Variants in OXR1 observed in about 807,000 individuals in gnomAD.
OXR1 encodes the protein oxidation resistance 1, also known as oxidation resistance protein 1.
A neutral mutation model predicts 104.6 loss-of-function variants in OXR1; 41 were observed. The observed-to-expected ratio is 0.39, with a 90% CI of 0.31 to 0.51. OXR1 has a LOEUF of 0.51. OXR1 is among the 20% of genes least tolerant of loss of function. The pLI is 0.77. For synonymous variants in OXR1, 348 were observed against 348.4 expected, an observed-to-expected ratio of 1.00 and a Z score of 0.01; for missense variants, 955 against 1,031.9, an observed-to-expected ratio of 0.93 and a Z score of 1.02.
rs139065453 is a variant in OXR1 at position 106,716,201 on chromosome 8, T to G, written c.1956+2216T>G. ...TCTAATTAAGGTCAAGTATTTCCTATGAAAATTTAGTGCCTGAATTGAGAT... is the reference window on the plus strand; with the variant it reads ...TCTAATTAAGGTCAAGTATTTCCTAGGAAAATTTAGTGCCTGAATTGAGAT... On this transcript the variant is annotated intron_variant, in intron 11 of 16. Coordinates refer to ENST00000517566, the MANE Select transcript of OXR1 (RefSeq NM_001198533.2). Among the ~76,000 whole-genome samples the G allele has an allele frequency of 6.6e-5, 10 of 152,320 alleles. No individual in the cohort carries two copies. The East Asian group carries it at 1.9e-3, about 29-fold the overall frequency.
intron 3 of OXR1, among the ~76,000 whole-genome samples, chr8:106,616,162 CT>C (rs1821215050): frequency 6.7e-6 from 1 of 150,160 alleles, no homozygotes; most frequent in Non-Finnish European, 1.5e-5. Flanking sequence ...CTGACTCAGC[CT>C]CCTGAGTAGC....
intron 2 of OXR1, among the ~76,000 whole-genome samples, chr8:106,374,992 T>A (rs1345639953): frequency 1.3e-5 from 2 of 152,220 alleles, no homozygotes. Context: ...TTAACTACTT[T>A]TTGATTTTAG....
chr8:106,671,424 CTG>C (rs752394408), intron 3 of OXR1, among the ~76,000 whole-genome samples: 38 of 152,216 alleles, frequency 2.5e-4, no homozygotes, highest in Non-Finnish European at 4.4e-4. Context: ...GCGTGTAAAA[CTG>C]TTTCATATAT....
intron 2 of OXR1, among the ~76,000 whole-genome samples, chr8:106,508,583 T>C (rs1812321933): frequency 6.6e-6 from 1 of 152,202 alleles, no homozygotes; most frequent in Non-Finnish European, 1.5e-5. Context: ...TAATCAGTAA[T>C]GCAATCGTAC....
chr8:106,545,389 A>C (rs1440251151), intron 3 of OXR1, among the ~76,000 whole-genome samples: 1 of 152,250 alleles, frequency 6.6e-6, no homozygotes, highest in African/African-American at 2.4e-5. Context: ...ATCAATAACA[A>C]GTTAGCAAAG....
At chr8:106,593,559 A>C (rs111481314) in intron 3 of OXR1, among the ~76,000 whole-genome samples, 198 of 152,328 alleles carry the variant, frequency 1.3e-3, no homozygotes, top group African/African-American at 4.6e-3. Flanking sequence ...CGGGCGGATC[A>C]TGAGGTCAGG....
intron 3 of OXR1, among the ~76,000 whole-genome samples, chr8:106,576,675 A>T (rs1208510755): frequency 1.3e-5 from 2 of 152,010 alleles, no homozygotes; most frequent in Non-Finnish European, 2.9e-5. Flanking sequence ...TCTTTTGAGG[A>T]TGTCTCTTGA....
At chr8:106,557,985 C>G (rs1816407344) in intron 3 of OXR1, among the ~76,000 whole-genome samples, 2 of 152,202 alleles carry the variant, frequency 1.3e-5, no homozygotes, top group South Asian at 4.1e-4. Flanking sequence ...TTACATTTTA[C>G]TGTGATTGTT....
chr8:106,700,667 G>A (rs1270907572), intron 7 of OXR1, among the ~76,000 whole-genome samples: 1 of 152,052 alleles, frequency 6.6e-6, no homozygotes, highest in Non-Finnish European at 1.5e-5. Context: ...AAGGTATTAA[G>A]GTATATAGAG....
chr8:106,283,810 C>T (rs1237888220), intron 1 of OXR1, among the ~76,000 whole-genome samples: 5 of 152,098 alleles, frequency 3.3e-5, no homozygotes, highest in Admixed American at 2.6e-4. Context: ...CTGTCATTGA[C>T]CTAACTCAGG....
intron 3 of OXR1, among the ~76,000 whole-genome samples, chr8:106,528,003 C>T (rs541928833): frequency 3.9e-5 from 6 of 152,260 alleles, no homozygotes; most frequent in South Asian, 2.1e-4. Flanking sequence ...ATGGTGAAAA[C>T]GATGCAATAA....
chr8:106,303,043 G>A (rs938937653), intron 1 of OXR1, among the ~76,000 whole-genome samples: 4 of 151,124 alleles, frequency 2.6e-5, no homozygotes, highest in Admixed American at 1.3e-4. Flanking sequence ...GTGAGCCAGC[G>A]CACCTGGCCG....
intron 1 of OXR1, among the ~76,000 whole-genome samples, chr8:106,288,254 A>C (rs1234199236): frequency 6.6e-6 from 1 of 152,184 alleles, no homozygotes. Flanking sequence ...CAGAAGTCCA[A>C]GTGTTGACTC....
In OXR1 at chr8:106,571,677, T is replaced by C. The variant is rs554567684; in HGVS notation, c.220+52538T>C. Among the ~76,000 whole-genome samples the C allele has an allele frequency of 2.0e-5, 3 of 152,272 alleles. No individual in the cohort carries two copies. The South Asian group carries it at 6.2e-4, about 32-fold the overall frequency. Reference sequence around the variant, plus strand: ...TGTCCAAAGTCTTATCTAACTCTCATGTAAATCATAGGGGTGAGATACGGG... The same window carrying C: ...TGTCCAAAGTCTTATCTAACTCTCACGTAAATCATAGGGGTGAGATACGGG... On this transcript the variant is annotated intron_variant, in intron 3 of 16. Transcript: ENST00000517566.
At chr8:106,658,311 G>A in intron 3 of OXR1, 3 of 1,142,856 alleles carry the variant, frequency 2.6e-6, no homozygotes, top group Non-Finnish European at 3.3e-6. Flanking sequence ...GCCGGGGCGG[G>A]CAACGTGGCC....
intron 2 of OXR1, among the ~76,000 whole-genome samples, chr8:106,489,907 A>C (rs868806463): frequency 6.6e-6 from 1 of 152,138 alleles, no homozygotes; most frequent in Non-Finnish European, 1.5e-5. Context: ...TGATCATATA[A>C]TTTTTGTCCA....
intron 1 of OXR1, among the ~76,000 whole-genome samples, chr8:106,301,329 T>G (rs1813228528): frequency 6.6e-6 from 1 of 151,512 alleles, no homozygotes; most frequent in Non-Finnish European, 1.5e-5. Flanking sequence ...CCATGTTATA[T>G]ATGCAGAATA....
chr8:106,294,257 G>T (rs1812884247), intron 1 of OXR1, among the ~76,000 whole-genome samples: 1 of 151,750 alleles, frequency 6.6e-6, no homozygotes, highest in Non-Finnish European at 1.5e-5. Context: ...TTAGCCGGGT[G>T]TGGTGGCATG....
chr8:106,298,659 A>G (rs1288387790), intron 1 of OXR1, among the ~76,000 whole-genome samples: 1 of 152,170 alleles, frequency 6.6e-6, no homozygotes, highest in Non-Finnish European at 1.5e-5. Context: ...AGCCATAAAT[A>G]TTGACAGATG....
Sources: allele counts gnomAD v4.1 joint callset (sites outside exome capture counted in the v4.1 genomes callset), GRCh38; gene constraint gnomAD v4.1.1; transcripts MANE v1.5; gene names NCBI Gene and HGNC (gene_info 2026-07-23, HGNC 2026-07-21).